The following CDH26 variants were observed in gnomAD, a reference collection of about 807,000 sequenced individuals.
CDH26 encodes cadherin-like protein 26.
Under a neutral mutation model 90.3 loss-of-function variants are expected in CDH26, and 83 were observed. The ratio of observed to expected loss-of-function variants is 0.92; its 90% CI spans 0.77 to 1.10. CDH26 has a LOEUF of 1.10. Among genes scored for constraint, CDH26 ranks in the 50% least tolerant of loss-of-function variants. The pLI, the probability that CDH26 is intolerant of heterozygous loss-of-function variation, is 0.00. For synonymous variants in CDH26, 397 were observed against 396.3 expected (o/e 1.00, Z -0.02); for missense variants, 1,013 against 1,037.6 (o/e 0.98, Z 0.33).
At chr20:59,999,440 G>A (rs1170403651) in intron 13 of CDH26, 146 bp from the exon 14 acceptor site, 1 of 588,936 alleles carries the variant, frequency 1.7e-6, no homozygotes, top group Non-Finnish European at 2.9e-6. Context: ...ATTTACAGGA[G>A]AGGTGTATTT....
intron 16 of CDH26, 89 bp from the exon 17 acceptor site, chr20:60,006,624 C>T: frequency 1.1e-6 from 1 of 892,834 alleles, no homozygotes. Context: ...TCAGTGTGCC[C>T]CATCTATGCT....
At chr20:60,035,509 A>G (rs1249623762), downstream of CDH26, among the ~76,000 whole-genome samples, 2 of 152,102 alleles carry the variant, frequency 1.3e-5, no homozygotes, top group African/African-American at 2.4e-5. Context: ...AACATATGAA[A>G]TTATGTTTAT....
At chr20:60,023,960 G>GGA (rs11086691) in intron 7 of CDH26, among the ~76,000 whole-genome samples, 41,119 of 146,852 alleles carry the variant, frequency 0.28, 5,713 homozygotes, top group East Asian at 0.42. Flanking sequence ...GCTGACAGAG[G>GGA]GAGAGAGAGA....
chr20:59,963,350 A>T (rs2061101878), intron 1 of CDH26, among the ~76,000 whole-genome samples: 1 of 146,896 alleles, frequency 6.8e-6, no homozygotes, highest in East Asian at 2.0e-4. Context: ...TCCCAGACTC[A>T]TGCGATCCTT....
Position 59,994,394 on chromosome 20 carries a change from A to G in CDH26, c.1571A>G (p.Asp524Gly), listed in dbSNP as rs764182685. The G allele has an allele frequency of 6.2e-7, 1 of 1,614,054 alleles. No individual in the cohort carries two copies. Residue 524 changes from aspartate to glycine, a missense_variant, in exon 11 of 18, where the codon GAT becomes GGT. Asp to Gly is a moderately conservative substitution (Grantham distance 94). Coordinates refer to ENST00000348616, the MANE Select transcript of CDH26 (RefSeq NM_177980.4). ...VHEPLHIEAE[D>G]PDLEPFSDPF... is the part of the protein sequence containing the mutation. ...GAGCCCCTCCACATCGAGGCAGAGG[A>G]TCCGGACCTGGAGCCGTTCTCTGAC...
rs1045145950 is a variant in CDH26, at chr20:60,014,114, C to T, written c.*1384C>T. 6.6e-6 allele frequency: 1 copy of T among 152,016 alleles called. No individual in the cohort carries two copies. Among genetic ancestry groups the T allele is most frequent in the African/African-American group, 2.4e-5 (1 of 41,374 alleles). The allele number at this position is 152,016 out of a possible 1,614,324, so 9.4% of individuals were successfully genotyped here. ...ATACTTGCCTCTTTCATTCTGTCCC[C>T]TGTAGATTTTTAAAAAATTATCTCA... is the stretch of plus-strand genomic sequence containing the variant. On this transcript the variant is annotated 3_prime_UTR_variant, in exon 18 of 18. Transcript: ENST00000348616.
At chr20:60,002,034 T>G (rs572848343) in intron 15 of CDH26, among the ~76,000 whole-genome samples, 11 of 152,324 alleles carry the variant, frequency 7.2e-5, no homozygotes, top group Admixed American at 2.6e-4. Flanking sequence ...AGACCTTATT[T>G]GGACCTCACC....
chr20:59,960,793 C>A (rs1160141543), intron 1 of CDH26, among the ~76,000 whole-genome samples: 1 of 152,214 alleles, frequency 6.6e-6, no homozygotes, highest in Non-Finnish European at 1.5e-5. Flanking sequence ...ACGTCATCTT[C>A]TCTTAGAGAG....
At chr20:59,982,382 T>G (rs1407624631) in intron 4 of CDH26, among the ~76,000 whole-genome samples, 1 of 152,240 alleles carries the variant, frequency 6.6e-6, no homozygotes, top group Admixed American at 6.5e-5. Context: ...TTGAGACCAT[T>G]TGAAGTGAAA....
intron 11 of CDH26, among the ~76,000 whole-genome samples, chr20:59,994,910 C>T (rs546436927): frequency 1.3e-5 from 2 of 152,184 alleles, no homozygotes; most frequent in African/African-American, 2.4e-5. Flanking sequence ...GATCTGGGCT[C>T]ACCCTCTCCT....
At chr20:59,968,660 C>T (rs2061209838) in intron 1 of CDH26, among the ~76,000 whole-genome samples, 1 of 152,132 alleles carries the variant, frequency 6.6e-6, no homozygotes, top group African/African-American at 2.4e-5. Context: ...TACAGCTGTG[C>T]TCATCCTGAA....
intron 11 of CDH26, among the ~76,000 whole-genome samples, chr20:59,994,728 G>C (rs1473717071): frequency 6.6e-6 from 1 of 152,088 alleles, no homozygotes. Context: ...AGGCTGCTGG[G>C]AGTCCCTGAG....
Position 59,999,563 on chromosome 20 carries a change from ATTTC to A in CDH26, c.2020-17_2020-14del. The A allele has an allele frequency of 6.2e-7, 1 of 1,601,388 alleles. No individual in the cohort carries two copies. Among genetic ancestry groups the A allele is most frequent in the South Asian group, 1.1e-5 (1 of 90,032 alleles). ...TATCTGTGATTTCAGCCCTTGTCAT[ATTTC>A]TTTCTCTGTGTTCTACAGACATGGT... On this transcript the variant is annotated intron_variant, in intron 13 of 17. Coordinates refer to ENST00000348616, the MANE Select transcript of CDH26 (RefSeq NM_177980.4).
rs563536636 is a variant in CDH26 at position 59,981,448 on chromosome 20, G to A, written c.394-1475G>A. Among the ~76,000 whole-genome samples, 11 of 152,124 alleles carry A rather than the reference G, an allele frequency of 7.2e-5. No individual in the cohort carries two copies. In the South Asian group the frequency reaches 1.0e-3, roughly 14 times the overall value. ...CATTTTCACTAAATAGATCCTATAC[G>A]TATTTTAGATTTGTAAATGGAGCTG... is the stretch of plus-strand genomic sequence containing the variant. On this transcript the variant is annotated intron_variant, in intron 4 of 17. Transcript: ENST00000348616.
intron 7 of CDH26, 36 bp downstream of exon 7, chr20:59,985,165 A>G (rs777081989): frequency 1.7e-5 from 28 of 1,610,390 alleles, no homozygotes; most frequent in African/African-American, 8.0e-5. Context: ...TCTAAGCCCC[A>G]AAACAAGTAG....
Position 60,033,608 on chromosome 20 carries a change from G to C in CDH26, c.1267G>C (p.Ala423Pro), listed in dbSNP as rs1293136005. 4.6e-6 allele frequency: 6 copies of C among 1,304,854 alleles called. No homozygotes were observed. In the Admixed American group the frequency reaches 1.1e-4, roughly 25 times the overall value. The allele number at this position is 1,304,854 out of a possible 1,614,324, so 80.8% of individuals were successfully genotyped here. ...TTCCCCATCACCCCTTAACAAAAAGGCATGTTTCCCAGGAGACTACAGAGG... is the reference window on the plus strand; with the variant it reads ...TTCCCCATCACCCCTTAACAAAAAGCCATGTTTCCCAGGAGACTACAGAGG... The change falls in exon 9 of 9, where the codon GCA becomes CCA. Residue 423 changes from alanine (A) to proline (P), a missense_variant. By Grantham distance (27) the Ala-to-Pro change is conservative (BLOSUM62 -1). Transcript: ENST00000370991.
intron 4 of CDH26, among the ~76,000 whole-genome samples, chr20:59,975,769 T>C (rs2061321102): frequency 6.6e-6 from 1 of 152,196 alleles, no homozygotes; most frequent in Non-Finnish European, 1.5e-5. Flanking sequence ...AAGCCTAATG[T>C]AGTGGCAAAA....
chr20:59,969,915 A>T, intron 2 of CDH26, 167 bp from the exon 3 acceptor site: 1 of 493,678 alleles, frequency 2.0e-6, no homozygotes, highest in Non-Finnish European at 2.6e-6. Flanking sequence ...TACAGCTATT[A>T]AGAAGACAGG....
rs776921023 is a variant in CDH26, at chr20:59,992,490, T to C, written c.1396T>C (p.Tyr466His). The change falls in exon 10 of 18, where the codon TAT becomes CAT. Residue 466 changes from tyrosine to histidine, a missense_variant. Physicochemically the swap from Tyr to His is moderately conservative, Grantham distance 83. Coordinates refer to ENST00000348616, the MANE Select transcript of CDH26 (RefSeq NM_177980.4). This position sits in a 1 kb window ranked among gnomAD's most constrained non-coding sequence, Gnocchi z 5.0. ...ATCCCCTCATGTAAATAACAGTTTT[T>C]ATGTAATCATCATTCACGCTGTTGA... is the stretch of plus-strand genomic sequence containing the variant. ...RESPHVNNSF[Y>H]VIIIHAVDDG... is the part of the protein sequence containing the mutation. The C allele has an allele frequency of 6.2e-7, 1 of 1,614,174 alleles. No homozygotes were observed. Among genetic ancestry groups the C allele is most frequent in the Non-Finnish European group, 8.5e-7 (1 of 1,180,024 alleles).
Sources: allele counts gnomAD v4.1 joint callset (sites outside exome capture counted in the v4.1 genomes callset), GRCh38; gene constraint gnomAD v4.1.1; non-coding constraint Gnocchi (gnomAD v3.1); transcripts MANE v1.5; gene names NCBI Gene and HGNC (gene_info 2026-07-23, HGNC 2026-07-21).